HIVEP2: variants seen among roughly 807,000 people sequenced by gnomAD.
HIVEP2 encodes the protein HIVEP zinc finger 2.
Under a neutral mutation model 180.7 loss-of-function variants are expected in HIVEP2, and 14 were observed. The observed-to-expected ratio is 0.08, with a 90% confidence interval of 0.05 to 0.12. HIVEP2 has a LOEUF of 0.12. Among genes scored for constraint, HIVEP2 ranks in the 10% least tolerant of loss-of-function variants. The pLI, the probability that HIVEP2 is intolerant of heterozygous loss-of-function variation, is 1.00. For missense variants in HIVEP2, 2,579 were observed against 3,008.5 expected (o/e 0.86, Z 3.34); for synonymous variants, 1,184 against 1,136.4 (o/e 1.04, Z -0.84).
At chr6:142,913,489 C>T (rs1053863351) in intron 1 of HIVEP2, among the ~76,000 whole-genome samples, 3 of 152,194 alleles carry the variant, frequency 2.0e-5, no homozygotes, top group Non-Finnish European at 4.4e-5. Context: ...TTTCTTTTGC[C>T]AGCTTCAATG....
chr6:142,911,204 T>C lies in HIVEP2; in HGVS notation c.-641+33895A>G, dbSNP rs148249057. 6.2e-3 allele frequency among the ~76,000 whole-genome samples: 842 copies of C among 136,238 alleles called. 5 individuals are homozygous for C. The highest frequency in any genetic ancestry group is 0.025 in the South Asian group (106 of 4,310). 89.4% of individuals were successfully genotyped at this position (136,238 alleles called of 152,430 possible). A position where few individuals can be genotyped will look rare whatever the true frequency, so the allele number is the denominator to read the frequency against. On this transcript the variant is annotated intron_variant, in intron 1 of 9. Transcript: ENST00000367603. ...CAACATTTCAGGGGAGCCCAGTGAA[T>C]AGAGGACAAACGTGCTGAGAGGGGC...
At chr6:142,835,998 C>T (rs1044645569) in intron 2 of HIVEP2, among the ~76,000 whole-genome samples, 1 of 152,158 alleles carries the variant, frequency 6.6e-6, no homozygotes, top group Non-Finnish European at 1.5e-5. Flanking sequence ...TAGACACTTT[C>T]CTCTCTTGTT....
intron 2 of HIVEP2, among the ~76,000 whole-genome samples, chr6:142,793,665 TTCTTTCTTTCTCTCTC>T (rs1562521383): frequency 6.9e-4 from 70 of 100,738 alleles, no homozygotes; most frequent in African/African-American, 2.6e-3. Context: ...TCTTTTTTCT[TTCTTTCTTTCTCTCTC>T]TCTCTCTCTC....
intron 1 of HIVEP2, among the ~76,000 whole-genome samples, chr6:142,877,577 A>G (rs1776475164): frequency 6.6e-6 from 1 of 152,160 alleles, no homozygotes; most frequent in South Asian, 2.1e-4. Flanking sequence ...TCTCATTCCA[A>G]TGTATTGTGC....
intron 1 of HIVEP2, among the ~76,000 whole-genome samples, chr6:142,934,333 G>A (rs1778005000): frequency 6.6e-6 from 1 of 152,166 alleles, no homozygotes; most frequent in Non-Finnish European, 1.5e-5. Context: ...CAGAGGTACA[G>A]CCTCTTGGCC....
chr6:142,804,190 C>A (rs1776487382), intron 2 of HIVEP2, among the ~76,000 whole-genome samples: 1 of 152,130 alleles, frequency 6.6e-6, no homozygotes, highest in South Asian at 2.1e-4. Flanking sequence ...TGATGAAGAG[C>A]TCAAAGGACT....
At chr6:142,787,865 C>G (rs1776043462) in intron 2 of HIVEP2, among the ~76,000 whole-genome samples, 1 of 152,146 alleles carries the variant, frequency 6.6e-6, no homozygotes, top group East Asian at 1.9e-4. Context: ...CAATTCATTA[C>G]TGGGACAACA....
intron 1 of HIVEP2, among the ~76,000 whole-genome samples, chr6:142,867,208 A>C (rs1776162808): frequency 1.3e-5 from 2 of 152,162 alleles, no homozygotes; most frequent in Admixed American, 1.3e-4. Context: ...GGTATTTCAT[A>C]GTCTTTTTTT....
At chr6:142,898,107 T>C (rs2128424051) in intron 1 of HIVEP2, among the ~76,000 whole-genome samples, 1 of 152,310 alleles carries the variant, frequency 6.6e-6, no homozygotes, top group South Asian at 2.1e-4. Flanking sequence ...GATCTCTGCC[T>C]ATAGACACTG....
At position 142,769,590 on chromosome 6, in the gene HIVEP2, T is replaced by C. The variant is rs1476549952; in HGVS notation, c.5149A>G (p.Lys1717Glu). The C allele has an allele frequency of 6.2e-7, 1 of 1,614,236 alleles. No homozygotes were observed. The change falls in exon 5 of 10, where the codon AAG (lysine) becomes GAG (glutamate). Residue 1717 changes from lysine to glutamate, a missense_variant. This residue lies in a region of HIVEP2 where 349 missense variants were observed against 367.2 expected (regional missense o/e 0.95). Coordinates refer to ENST00000367603, the MANE Select transcript of HIVEP2 (RefSeq NM_006734.4). ...TTCCAAGCACTTGATGATGTAAGCT[T>C]GCCGGTTCCAGGCCTATGCATAGCA... is the stretch of plus-strand genomic sequence containing the variant. Reference protein sequence around the residue: ...LAAMHRPGTGKLTSSSAWKQF... With the variant: ...LAAMHRPGTGELTSSSAWKQF...
chr6:142,867,818 T>C (rs1295359373), intron 1 of HIVEP2, among the ~76,000 whole-genome samples: 2 of 152,232 alleles, frequency 1.3e-5, no homozygotes, highest in East Asian at 3.8e-4. Flanking sequence ...GTTGCTATCC[T>C]AGTGGTTTTA....
At chr6:142,864,259 T>C (rs193080864) in intron 1 of HIVEP2, among the ~76,000 whole-genome samples, 79 of 152,218 alleles carry the variant, frequency 5.2e-4, no homozygotes, top group Non-Finnish European at 2.9e-5. Context: ...ACCAGCAGCC[T>C]ACAGGAGTGT....
At chr6:142,797,262 A>AT (rs1020198468) in intron 2 of HIVEP2, among the ~76,000 whole-genome samples, 10 of 152,132 alleles carry the variant, frequency 6.6e-5, no homozygotes, top group Non-Finnish European at 1.3e-4. Context: ...TTAAAAAAAA[A>AT]TTTTTTAGAA....
intron 1 of HIVEP2, among the ~76,000 whole-genome samples, chr6:142,841,682 T>C (rs1322754697): frequency 6.6e-6 from 1 of 152,174 alleles, no homozygotes; most frequent in Non-Finnish European, 1.5e-5. Context: ...CTGATTAAAA[T>C]TGAGTTGAAT....
At chr6:142,853,123 C>T (rs1397595972) in intron 1 of HIVEP2, among the ~76,000 whole-genome samples, 1 of 152,182 alleles carries the variant, frequency 6.6e-6, no homozygotes. Flanking sequence ...CTTTTCCTCT[C>T]TTGGCAGATT....
intron 1 of HIVEP2, among the ~76,000 whole-genome samples, chr6:142,887,760 T>C (rs747686657): frequency 3.9e-5 from 6 of 152,198 alleles, no homozygotes; most frequent in Non-Finnish European, 7.4e-5. Context: ...ATTTCCTGCA[T>C]TGTCTCCTCC....
In HIVEP2 at chr6:142,773,800, C is replaced by T. The variant is rs1334579357; in HGVS notation, c.939G>A (p.Gly313=). Residue 313 remains glycine, a synonymous_variant, in exon 5 of 10, where the codon GGG becomes GGA. Transcript: ENST00000367603. ...LDIASRGGYH[G]SLEESLGGPM... is the part of the protein sequence containing the mutation. ...GACCTCCCAATGATTCTTCCAATGA[C>T]CCATGATAGCCGCCTCTGCTGGCAA... 6.2e-7 allele frequency: 1 copy of T among 1,613,896 alleles called. No individual in the cohort carries two copies. The highest frequency in any genetic ancestry group is 1.7e-5 in the Admixed American group (1 of 60,032).
intron 9 of HIVEP2, among the ~76,000 whole-genome samples, chr6:142,756,437 C>A (rs1221778160): frequency 6.6e-6 from 1 of 152,168 alleles, no homozygotes; most frequent in Non-Finnish European, 1.5e-5. Flanking sequence ...ATGGCACGTT[C>A]TTTCAGGAAC....
At chr6:142,842,295 C>T (rs983936464) in intron 1 of HIVEP2, among the ~76,000 whole-genome samples, 2 of 152,128 alleles carry the variant, frequency 1.3e-5, no homozygotes, top group Non-Finnish European at 2.9e-5. Flanking sequence ...CTAAGTTTGA[C>T]TGAAAATAGT....
Sources: gnomAD v4.1 joint callset for allele counts (sites outside exome capture counted in the v4.1 genomes callset) on GRCh38, gnomAD v4.1.1 for gene constraint, gnomAD v4.1.1 regional missense constraint, MANE v1.5 for transcripts, NCBI Gene and HGNC (gene_info 2026-07-23, HGNC 2026-07-21) for gene names.